The following SYNE1 variants were observed in gnomAD, a reference collection of about 807,000 sequenced individuals.
SYNE1 encodes spectrin repeat containing nuclear envelope protein 1.
In SYNE1, 616 loss-of-function variants were observed where a neutral mutation model predicts 1,111.0. The observed-to-expected ratio is 0.55, with a 90% CI of 0.52 to 0.59. The LOEUF is 0.59. Among genes scored for constraint, SYNE1 ranks in the 20% least tolerant of loss-of-function variants. SYNE1 has a pLI of 0.00. For missense variants in SYNE1, 10,006 were observed against 10,417.0 expected (o/e 0.96, Z 1.72); for synonymous variants, 3,855 against 3,825.8 (o/e 1.01, Z -0.28).
chr6:152,267,595 G>A (rs1355820133), intron 100 of SYNE1, among the ~76,000 whole-genome samples: 1 of 152,030 alleles, frequency 6.6e-6, no homozygotes, highest in African/African-American at 2.4e-5. Flanking sequence ...AATTTTTCTT[G>A]ACTCTTCTGT....
At chr6:152,468,341 C>T (rs2098783673) in intron 16 of SYNE1, among the ~76,000 whole-genome samples, 1 of 152,004 alleles carries the variant, frequency 6.6e-6, no homozygotes, top group Admixed American at 6.6e-5. Context: ...TCACACAGTC[C>T]ACAATTTCAA....
intron 11 of SYNE1, among the ~76,000 whole-genome samples, chr6:152,497,329 G>A (rs753298910): frequency 5.3e-5 from 8 of 152,184 alleles, no homozygotes; most frequent in Non-Finnish European, 7.3e-5. Context: ...ATTCTTCCCA[G>A]GATGTCTTTT....
At chr6:152,421,946 T>A (rs957239185) in intron 39 of SYNE1, among the ~76,000 whole-genome samples, 1 of 152,184 alleles carries the variant, frequency 6.6e-6, no homozygotes, top group Admixed American at 6.5e-5. Flanking sequence ...CCTCAGGTGA[T>A]CTGCCCACCT....
chr6:152,329,901 T>C lies in SYNE1; in HGVS notation c.14784A>G (p.Gln4928=), dbSNP rs2096204703. The change falls in exon 78 of 146, where the codon CAA becomes CAG. Residue 4928 remains glutamine (Q), a synonymous_variant. Coordinates refer to ENST00000367255, the MANE Select transcript of SYNE1 (RefSeq NM_182961.4). ...TGGACTGGACCTCTTCCTGATGAATTTGGATTTTTCTGATTTCCTCTTGGA... is the reference window on the plus strand; with the variant it reads ...TGGACTGGACCTCTTCCTGATGAATCTGGATTTTTCTGATTTCCTCTTGGA... ...QDIQEEIRKI[Q]IHQEEVQSSL... is the part of the protein sequence containing the mutation. 6.2e-7 allele frequency: 1 copy of C among 1,614,134 alleles called. No homozygotes were observed. The highest frequency in any genetic ancestry group is 8.5e-7 in the Non-Finnish European group (1 of 1,180,022).
chr6:152,220,868 C>T lies in SYNE1; in HGVS notation c.21835G>A (p.Val7279Ile), dbSNP rs747185019. 7.4e-6 allele frequency: 12 copies of T among 1,614,024 alleles called. No homozygotes were observed. Among genetic ancestry groups the T allele is most frequent in the Non-Finnish European group, 1.0e-5 (12 of 1,179,984 alleles). Residue 7279 changes from valine to isoleucine, a missense_variant, in exon 119 of 146, where the codon GTT (valine) becomes ATT (isoleucine). By Grantham distance (29) the Val-to-Ile change is conservative (BLOSUM62 3). Coordinates refer to ENST00000367255, the MANE Select transcript of SYNE1 (RefSeq NM_182961.4). ...ATNKDIADDE[V>I]ATWIQDCNDL... ...TTGCAATCTTGAATCCATGTGGCAA[C>T]CTCATCATCGGCAATGTCCTTGTTT...
chr6:152,251,440 A>G (rs2089212497), intron 104 of SYNE1, among the ~76,000 whole-genome samples: 1 of 152,156 alleles, frequency 6.6e-6, no homozygotes, highest in South Asian at 2.1e-4. Context: ...GCTAGTAATC[A>G]CATGGATATT....
At chr6:152,465,211 T>C in intron 18 of SYNE1, 47 bp downstream of exon 18, 1 of 1,601,542 alleles carries the variant, frequency 6.2e-7, no homozygotes, top group East Asian at 2.2e-5. Flanking sequence ...AGTCTCTCAT[T>C]TTTACATACA....
At chr6:152,156,165 C>T (rs1192268398) in intron 131 of SYNE1, 68 bp from the exon 132 acceptor site, 1 of 1,549,208 alleles carries the variant, frequency 6.5e-7, no homozygotes, top group Non-Finnish European at 8.9e-7. Flanking sequence ...CTGAAGCAAC[C>T]TATGTTGGTA....
At chr6:152,582,065 C>T (rs1194335778) in intron 3 of SYNE1, among the ~76,000 whole-genome samples, 1 of 152,130 alleles carries the variant, frequency 6.6e-6, no homozygotes, top group Non-Finnish European at 1.5e-5. Context: ...CCACATAGAG[C>T]TAGTTGTATG....
chr6:152,573,456 T>G (rs2099480939), intron 3 of SYNE1, among the ~76,000 whole-genome samples: 1 of 150,680 alleles, frequency 6.6e-6, no homozygotes, highest in South Asian at 2.1e-4. Flanking sequence ...CTTGCGGTAG[T>G]TTGCTGAGAA....
At chr6:152,447,757 T>A in intron 28 of SYNE1, 135 bp from the exon 29 acceptor site, 1 of 1,002,150 alleles carries the variant, frequency 1.0e-6, no homozygotes, top group Non-Finnish European at 1.5e-6. Flanking sequence ...ATACAGTGCC[T>A]GCTTAGTTTA....
chr6:152,458,733 T>C (rs908560146), intron 22 of SYNE1, 24 bp downstream of exon 22: 3 of 1,612,860 alleles, frequency 1.9e-6, no homozygotes, highest in Non-Finnish European at 2.5e-6. Context: ...AGAATAATTG[T>C]CTCCTGAAAA....
At chr6:152,468,937 G>A (rs2098788243) in intron 16 of SYNE1, among the ~76,000 whole-genome samples, 3 of 152,012 alleles carry the variant, frequency 2.0e-5, no homozygotes, top group Admixed American at 6.6e-5. Context: ...CATGACACCA[G>A]GCTAAATTTT....
rs2153955296 is a variant in SYNE1, at chr6:152,326,468, T to C, written c.15121A>G (p.Thr5041Ala). ...NLKSHMEFFS[T>A]EDQFHSNLEE... The stretch of plus-strand genomic sequence containing the variant: ...AGGTTACTATGGAACTGATCCTCTG[T>C]ACTGAAAAATTCCATGTGGCTTTTG... The change falls in exon 79 of 146, where the codon ACA becomes GCA. Residue 5041 changes from threonine to alanine, a missense_variant. Thr to Ala is a moderately conservative substitution (Grantham distance 58, BLOSUM62 0). Around this residue, in one of 7 missense-constraint regions of SYNE1, gnomAD observed 4,955 missense variants for 5,017.2 expected, o/e 0.99. Transcript: ENST00000367255. The C allele has an allele frequency of 6.2e-7, 1 of 1,614,188 alleles. No homozygotes were observed. Among genetic ancestry groups the C allele is most frequent in the Middle Eastern group, 1.6e-4 (1 of 6,062 alleles).
intron 120 of SYNE1, 135 bp from the exon 121 acceptor site, chr6:152,218,538 G>T: frequency 3.0e-6 from 3 of 989,848 alleles, no homozygotes; most frequent in Admixed American, 2.4e-5. Flanking sequence ...TTCTCTAGAC[G>T]TTCCTATAAA....
At chr6:152,425,334 T>C in intron 39 of SYNE1, 47 bp downstream of exon 39, 1 of 1,591,872 alleles carries the variant, frequency 6.3e-7, no homozygotes, top group Non-Finnish European at 8.6e-7. Context: ...TGCTCATCAT[T>C]TAAAAACAAA....
chr6:152,458,669 C>T, intron 22 of SYNE1, 88 bp downstream of exon 22: 1 of 1,398,230 alleles, frequency 7.2e-7, no homozygotes, highest in Non-Finnish European at 1.0e-6. Context: ...GTTTCTTGTC[C>T]TCACTGAATT....
At chr6:152,393,023 G>T (rs976333362) in intron 51 of SYNE1, among the ~76,000 whole-genome samples, 3 of 152,206 alleles carry the variant, frequency 2.0e-5, no homozygotes, top group Non-Finnish European at 4.4e-5. Flanking sequence ...GAGCAGAACA[G>T]TGTGTTAGGA....
intron 105 of SYNE1, among the ~76,000 whole-genome samples, chr6:152,246,848 A>G (rs75730028): frequency 0.11 from 16,429 of 152,236 alleles, 1,086 homozygotes; most frequent in African/African-American, 0.17. Context: ...CTAGAAAACA[A>G]TGAAGAAAAA....
Sources: allele counts gnomAD v4.1 joint callset (sites outside exome capture counted in the v4.1 genomes callset), GRCh38; gene constraint gnomAD v4.1.1; regional missense constraint gnomAD v4.1.1; transcripts MANE v1.5; gene names NCBI Gene and HGNC (gene_info 2026-07-23, HGNC 2026-07-21).